Variants in LRRC42 observed in about 807,000 individuals in gnomAD.
LRRC42 encodes the protein leucine-rich repeat-containing protein 42.
LRRC42 carries 43 observed loss-of-function variants against 44.3 expected under a neutral mutation model. That is an observed-to-expected ratio of 0.97 (90% CI 0.76 to 1.25). LRRC42 has a LOEUF of 1.25. Among genes scored for constraint, LRRC42 ranks in the 50% most tolerant of loss-of-function variants. The pLI is 0.00. For missense variants in LRRC42, 540 were observed against 509.1 expected, an observed-to-expected ratio of 1.06 and a Z score of -0.58; for synonymous variants, 207 against 195.2, an observed-to-expected ratio of 1.06 and a Z score of -0.50.
At chr1:53,962,522 G>T in intron 7 of LRRC42, 113 bp downstream of exon 7, 1 of 709,844 alleles carries the variant, frequency 1.4e-6, no homozygotes, top group Non-Finnish European at 2.5e-6. Flanking sequence ...TGGTTAAATT[G>T]TCATCTTCAT....
rs181966509 is a variant in LRRC42 at position 53,958,878 on chromosome 1, G to A, written c.605+598G>A. 6.2e-3 allele frequency among the ~76,000 whole-genome samples: 929 copies of A among 151,006 alleles called. 9 individuals carry two copies. The highest frequency in any genetic ancestry group is 0.022 in the African/African-American group (886 of 41,078). ...TGGGATTACAGGCGTCAGCCACTGCGCCTGGCCCTATTTATTTATTTCTTT... is the reference window on the plus strand; with the variant it reads ...TGGGATTACAGGCGTCAGCCACTGCACCTGGCCCTATTTATTTATTTCTTT... On this transcript the variant is annotated intron_variant, in intron 4 of 8. Coordinates refer to ENST00000371370, the MANE Select transcript of LRRC42 (RefSeq NM_001256409.2).
intron 1 of LRRC42, among the ~76,000 whole-genome samples, chr1:53,946,947 G>A (rs1475482357): frequency 6.6e-6 from 1 of 151,794 alleles, no homozygotes; most frequent in Non-Finnish European, 1.5e-5. Flanking sequence ...AGAAAAGTTG[G>A]GGGTGTGGAA....
At chr1:53,960,936 T>G (rs2100928322) in intron 5 of LRRC42, among the ~76,000 whole-genome samples, 1 of 152,314 alleles carries the variant, frequency 6.6e-6, no homozygotes, top group East Asian at 1.9e-4. Context: ...ATTTACAATT[T>G]AACCGAGCAT....
chr1:53,949,314 G>A (rs1654607485), intron 2 of LRRC42, among the ~76,000 whole-genome samples: 1 of 152,154 alleles, frequency 6.6e-6, no homozygotes, highest in Admixed American at 6.5e-5. Context: ...CAGTGTTTGT[G>A]GAAGGCACTG....
chr1:53,952,455 C>A lies in LRRC42; in HGVS notation c.456C>A (p.Ser152=). The change falls in exon 3 of 9, where the codon TCC becomes TCA. Residue 152 remains serine, a synonymous_variant. Transcript: ENST00000371370. ...TEAYGSLVLC[S]LCLRNRYLVI... ...CCTATGGAAGTTTGGTGCTTTGCTC[C>A]CTGTGTTTGCGAAACAGGTGGGTGT... 2 of 1,595,506 alleles carry A rather than the reference C, an allele frequency of 1.3e-6. No homozygotes were observed. Among genetic ancestry groups the A allele is most frequent in the Non-Finnish European group, 8.6e-7 (1 of 1,166,608 alleles).
In LRRC42 at chr1:53,958,294, A is replaced by G. The variant is rs1175316139; in HGVS notation, c.605+14A>G. On this transcript the variant is annotated intron_variant, in intron 4 of 8. Coordinates refer to ENST00000371370, the MANE Select transcript of LRRC42 (RefSeq NM_001256409.2). ...AGCCCTGTCTAGGTACTGACCTGTC[A>G]CCACTTGCAGATGAATTGTTTCAGT... is the stretch of plus-strand genomic sequence containing the variant. 1.9e-6 allele frequency: 3 copies of G among 1,612,672 alleles called. No individual in the cohort carries two copies. The highest frequency in any genetic ancestry group is 2.2e-5 in the East Asian group (1 of 44,816).
chr1:53,947,060 C>T (rs1014286863), intron 1 of LRRC42, among the ~76,000 whole-genome samples: 14 of 149,626 alleles, frequency 9.4e-5, no homozygotes, highest in Non-Finnish European at 1.8e-4. Flanking sequence ...GAGAGGGAAG[C>T]CCCTAGAGTG....
chr1:53,966,463 A>T, intron 8 of LRRC42, 83 bp downstream of exon 8: 1 of 923,756 alleles, frequency 1.1e-6, no homozygotes, highest in Non-Finnish European at 1.8e-6. Context: ...TCCTTGGAAA[A>T]ATTAATTATG....
In LRRC42 at chr1:53,967,942, A is replaced by T; in HGVS notation, c.*3A>T. 6.2e-7 allele frequency: 1 copy of T among 1,608,082 alleles called. No homozygotes were observed. The highest frequency in any genetic ancestry group is 8.5e-7 in the Non-Finnish European group (1 of 1,175,614). On this transcript the variant is annotated 3_prime_UTR_variant, in exon 9 of 9. Transcript: ENST00000371370. ...GGGACTTGTTAAATTCCTATTGATT[A>T]GTAGATACAAGTTGACCTTTCTCTG...
chr1:53,967,322 T>G (rs1433261796), intron 8 of LRRC42, among the ~76,000 whole-genome samples: 1 of 152,180 alleles, frequency 6.6e-6, no homozygotes, highest in Non-Finnish European at 1.5e-5. Context: ...GCTAATCACT[T>G]TATGTACATG....
At chr1:53,955,062 ATAT>A (rs1654792392) in intron 3 of LRRC42, among the ~76,000 whole-genome samples, 1 of 152,198 alleles carries the variant, frequency 6.6e-6, no homozygotes, top group African/African-American at 2.4e-5. Context: ...ATATGATGAA[ATAT>A]TATGTAACTA....
At position 53,968,038 on chromosome 1, in the gene LRRC42, A is replaced by T. The variant is rs891058901; in HGVS notation, c.*99A>T. 10 of 1,245,884 alleles carry T rather than the reference A, an allele frequency of 8.0e-6. No homozygotes were observed. Among genetic ancestry groups the T allele is most frequent in the Admixed American group, 4.4e-5 (2 of 45,218 alleles). 77.2% of individuals were successfully genotyped at this position (1,245,884 alleles called of 1,614,324 possible). A position where few individuals can be genotyped will look rare whatever the true frequency, so the allele number is the denominator to read the frequency against. On this transcript the variant is annotated 3_prime_UTR_variant, in exon 9 of 9. Transcript: ENST00000371370. Reference sequence around the variant, plus strand: ...CTTTTTGTTTGAATTTACCTATGGCATTAGCATAGTAAGCAGATATTTCTA... The same window carrying T: ...CTTTTTGTTTGAATTTACCTATGGCTTTAGCATAGTAAGCAGATATTTCTA...
intron 7 of LRRC42, among the ~76,000 whole-genome samples, chr1:53,963,218 G>T (rs1490366866): frequency 6.6e-6 from 1 of 152,148 alleles, no homozygotes; most frequent in African/African-American, 2.4e-5. Context: ...AGGTAAGCAG[G>T]GAGACTGCTG....
intron 7 of LRRC42, among the ~76,000 whole-genome samples, chr1:53,965,605 G>A (rs1185949047): frequency 6.6e-6 from 1 of 150,982 alleles, no homozygotes; most frequent in Non-Finnish European, 1.5e-5. Flanking sequence ...CCAGCCTCCC[G>A]AGTAGCTGGG....
chr1:53,952,338 G>A lies in LRRC42; in HGVS notation c.339G>A (p.Gln113=). The A allele has an allele frequency of 6.2e-7, 1 of 1,614,208 alleles. No homozygotes were observed. Among genetic ancestry groups the A allele is most frequent in the Non-Finnish European group, 8.5e-7 (1 of 1,180,008 alleles). ...HIDSLIGFPE[Q]IAEKLFSAAE... Reference sequence around the variant, plus strand: ...ATTCCCTTATTGGCTTTCCTGAGCAGATTGCTGAAAAGCTGTTCTCTGCTG... The same window carrying A: ...ATTCCCTTATTGGCTTTCCTGAGCAAATTGCTGAAAAGCTGTTCTCTGCTG... The change falls in exon 3 of 9, where the codon CAG becomes CAA. Residue 113 remains glutamine, a synonymous_variant. Transcript: ENST00000371370.
chr1:53,966,348 C>T lies in LRRC42; in HGVS notation c.980C>T (p.Thr327Ile), dbSNP rs373233986. The change falls in exon 8 of 9, where the codon ACC becomes ATC. Residue 327 changes from threonine (T) to isoleucine (I), a missense_variant. Thr to Ile is a moderately conservative substitution (Grantham distance 89, BLOSUM62 -1). Coordinates refer to ENST00000371370, the MANE Select transcript of LRRC42 (RefSeq NM_001256409.2). ...VTAEAVKPRE[T>I]SEPRAAAQRF... is the part of the protein sequence containing the mutation. ...GCGGAAGCTGTGAAGCCACGGGAGACCTCGGAGCCTAGAGCAGCAGCTCAG... is the reference window on the plus strand; with the variant it reads ...GCGGAAGCTGTGAAGCCACGGGAGATCTCGGAGCCTAGAGCAGCAGCTCAG... 3.7e-6 allele frequency: 6 copies of T among 1,613,912 alleles called. No homozygotes were observed. The African/African-American group carries it at 6.7e-5, about 18-fold the overall frequency.
rs1655020343 is a variant in LRRC42 at position 53,962,359 on chromosome 1, T to C, written c.877T>C (p.Leu293=). The C allele has an allele frequency of 1.2e-6, 2 of 1,614,170 alleles. No individual in the cohort carries two copies. Among genetic ancestry groups the C allele is most frequent in the Non-Finnish European group, 1.7e-6 (2 of 1,180,004 alleles). The change falls in exon 7 of 9, where the codon TTG becomes CTG. Residue 293 remains leucine (L), a synonymous_variant. Transcript: ENST00000371370. The part of the protein sequence containing the change: ...HIGLVHSKVP[L]KEFDHSNCKT... ...AGGCCTTGTTCACTCCAAAGTGCCTTTGAAGGAATTTGATCATAGTAACTG... is the reference window on the plus strand; with the variant it reads ...AGGCCTTGTTCACTCCAAAGTGCCTCTGAAGGAATTTGATCATAGTAACTG...
At chr1:53,951,957 A>T in intron 2 of LRRC42, 29 bp from the exon 3 acceptor site, 1 of 1,524,160 alleles carries the variant, frequency 6.6e-7, no homozygotes, top group Non-Finnish European at 9.0e-7. Context: ...TTTTAATTGG[A>T]TTTGCTTCCC....
chr1:53,966,892 C>T (rs1655141506), intron 8 of LRRC42, among the ~76,000 whole-genome samples: 1 of 151,832 alleles, frequency 6.6e-6, no homozygotes, highest in Admixed American at 6.6e-5. Flanking sequence ...TAGTTAGATT[C>T]GTAGAGCAAG....
Sources: allele counts gnomAD v4.1 joint callset (sites outside exome capture counted in the v4.1 genomes callset), GRCh38; gene constraint gnomAD v4.1.1; transcripts MANE v1.5; gene names NCBI Gene and HGNC (gene_info 2026-07-23, HGNC 2026-07-21).